TRHDE: variants seen among roughly 807,000 people sequenced by gnomAD.
The protein encoded by TRHDE is thyrotropin releasing hormone degrading enzyme.
Under a neutral mutation model 125.7 loss-of-function variants are expected in TRHDE, and 72 were observed. The ratio of observed to expected loss-of-function variants is 0.57; its 90% CI spans 0.47 to 0.70. TRHDE has a LOEUF of 0.70. Ranked by LOEUF, TRHDE falls within the 30% of genes least tolerant of loss-of-function variation. The probability of loss-of-function intolerance (pLI) is 0.00; values close to 1 mark genes in which losing one functional copy is unlikely to be tolerated. For missense variants in TRHDE, 1,110 were observed against 1,327.1 expected (o/e 0.84, Z 2.54); for synonymous variants, 509 against 509.1 (o/e 1.00, Z 0.00).
intron 6 of TRHDE, among the ~76,000 whole-genome samples, chr12:72,511,642 C>T (rs1245886697): frequency 6.6e-6 from 1 of 152,068 alleles, no homozygotes; most frequent in African/African-American, 2.4e-5. Context: ...AATGCCTTTA[C>T]CACTTACTGG....
chr12:72,188,300 G>A lies in TRHDE; in HGVS notation n.279+82548G>A, dbSNP rs539013478. On this transcript the variant is annotated intron_variant and non_coding_transcript_variant, in intron 2 of 4. Transcript: ENST00000548156. The stretch of plus-strand genomic sequence containing the variant: ...TGAGTAAACTCTTTCAATTGCATTG[G>A]CATTTGGAATAAAACTAGACTGATT... Among the ~76,000 whole-genome samples, 21 of 152,312 alleles carry A rather than the reference G, an allele frequency of 1.4e-4. 1 individual carries two copies. In the South Asian group the frequency reaches 4.3e-3, roughly 32 times the overall value.
chr12:72,274,202 A>G (rs1042717800), intron 1 of TRHDE, among the ~76,000 whole-genome samples: 1 of 152,194 alleles, frequency 6.6e-6, no homozygotes, highest in African/African-American at 2.4e-5. Context: ...AGAGCCAGCG[A>G]TAAGTGGCCT....
chr12:72,654,229 A>C (rs1230174401), intron 17 of TRHDE, among the ~76,000 whole-genome samples: 2 of 152,154 alleles, frequency 1.3e-5, no homozygotes, highest in African/African-American at 2.4e-5. Context: ...GTTCAGGGCA[A>C]TGCAATTATA....
chr12:72,212,975 C>G (rs1370801125), intron 2 of TRHDE, among the ~76,000 whole-genome samples: 2 of 152,040 alleles, frequency 1.3e-5, no homozygotes, highest in African/African-American at 2.4e-5. Flanking sequence ...TATAGTGCAT[C>G]CATACAGTGG....
At chr12:72,337,020 A>C (rs1869859717) in intron 2 of TRHDE, among the ~76,000 whole-genome samples, 1 of 152,208 alleles carries the variant, frequency 6.6e-6, no homozygotes, top group African/African-American at 2.4e-5. Context: ...CTAAATCAGA[A>C]TCTGTATTTT....
chr12:72,155,464 C>A (rs369246584), intron 2 of TRHDE, among the ~76,000 whole-genome samples: 1 of 152,130 alleles, frequency 6.6e-6, no homozygotes, highest in Non-Finnish European at 1.5e-5. Flanking sequence ...GGAGGAGAGG[C>A]GCTCTGATTT....
intron 3 of TRHDE, among the ~76,000 whole-genome samples, chr12:72,399,118 A>G (rs1872927344): frequency 6.6e-6 from 1 of 152,194 alleles, no homozygotes; most frequent in Non-Finnish European, 1.5e-5. Flanking sequence ...CCTTATGAGA[A>G]TCTAATTCCT....
intron 10 of TRHDE, among the ~76,000 whole-genome samples, chr12:72,569,630 A>G (rs1486762329): frequency 6.6e-6 from 1 of 152,256 alleles, no homozygotes; most frequent in Non-Finnish European, 1.5e-5. Context: ...TCTGGTTGTC[A>G]GCAGTACGAA....
chr12:72,393,042 G>T (rs562990843), intron 3 of TRHDE, among the ~76,000 whole-genome samples: 1 of 151,978 alleles, frequency 6.6e-6, no homozygotes, highest in Non-Finnish European at 1.5e-5. Flanking sequence ...TATATATACT[G>T]ATTGAATGCT....
chr12:72,384,754 A>G (rs1056199192), intron 3 of TRHDE, among the ~76,000 whole-genome samples: 2 of 152,072 alleles, frequency 1.3e-5, no homozygotes, highest in African/African-American at 4.8e-5. Flanking sequence ...AGCTTAAATG[A>G]TTCATTTTTG....
In TRHDE at chr12:72,331,400, AC is replaced by A. The variant is rs1343057403; in HGVS notation, c.1188+44447del. On this transcript the variant is annotated intron_variant, in intron 2 of 18. Coordinates refer to ENST00000261180, the MANE Select transcript of TRHDE (RefSeq NM_013381.3). ...TGAAGATCATTAATTCTCTTTACTT[AC>A]TTAGCAACAAGAAAGTTAACTCTCT... Among the ~76,000 whole-genome samples the A allele has an allele frequency of 3.0e-5, 2 of 67,064 alleles. 1 individual carries two copies. Among genetic ancestry groups the A allele is most frequent in the East Asian group, 4.6e-4 (2 of 4,336 alleles). 44.0% of individuals were successfully genotyped at this position (67,064 alleles called of 152,430 possible).
intron 2 of TRHDE, among the ~76,000 whole-genome samples, chr12:72,318,742 G>C (rs1287518243): frequency 6.6e-6 from 1 of 151,682 alleles, no homozygotes; most frequent in East Asian, 1.9e-4. Context: ...TAATATCCTT[G>C]TCTAAAAATG....
intron 3 of TRHDE, among the ~76,000 whole-genome samples, chr12:72,420,550 T>C (rs1012419174): frequency 6.6e-6 from 1 of 152,152 alleles, no homozygotes; most frequent in African/African-American, 2.4e-5. Context: ...TAGTCATAGA[T>C]AGGGGAATCT....
At chr12:72,471,438 C>T (rs1194245320) in intron 4 of TRHDE, among the ~76,000 whole-genome samples, 3 of 152,076 alleles carry the variant, frequency 2.0e-5, no homozygotes, top group Admixed American at 6.6e-5. Context: ...GAAAGCGCAC[C>T]GATAATGTGT....
intron 2 of TRHDE, among the ~76,000 whole-genome samples, chr12:72,374,026 A>G (rs938927866): frequency 6.6e-6 from 1 of 152,138 alleles, no homozygotes; most frequent in Non-Finnish European, 1.5e-5. Flanking sequence ...GCAAGGGACG[A>G]GGCATCAGTA....
At chr12:72,178,087 G>A (rs565053592) in intron 2 of TRHDE, among the ~76,000 whole-genome samples, 1 of 152,164 alleles carries the variant, frequency 6.6e-6, no homozygotes, top group South Asian at 2.1e-4. Context: ...TAATTGAAAT[G>A]TTTGTGCCTT....
At chr12:72,410,914 C>CT (rs1406123309) in intron 3 of TRHDE, among the ~76,000 whole-genome samples, 1 of 151,760 alleles carries the variant, frequency 6.6e-6, no homozygotes, top group Non-Finnish European at 1.5e-5. Flanking sequence ...ACATACAGGC[C>CT]GGGCCCGGTG....
At chr12:72,559,707 A>C (rs1592535596) in intron 7 of TRHDE, among the ~76,000 whole-genome samples, 1 of 152,204 alleles carries the variant, frequency 6.6e-6, no homozygotes, top group East Asian at 1.9e-4. Flanking sequence ...TATACACATA[A>C]ATGTAAACTT....
chr12:72,343,967 TTATC>T (rs1409630406), intron 2 of TRHDE, among the ~76,000 whole-genome samples: 2 of 151,602 alleles, frequency 1.3e-5, no homozygotes, highest in Non-Finnish European at 1.5e-5. Flanking sequence ...TTAATCTCCT[TTATC>T]TATATTTATT....
Sources: gnomAD v4.1 joint callset for allele counts (sites outside exome capture counted in the v4.1 genomes callset) on GRCh38, gnomAD v4.1.1 for gene constraint, MANE v1.5 for transcripts, NCBI Gene and HGNC (gene_info 2026-07-23, HGNC 2026-07-21) for gene names.